AKAP19: variants seen among roughly 807,000 people sequenced by gnomAD.
AKAP19 encodes the protein A-kinase anchoring protein 19, also known as small A-kinase anchoring protein.
At chr2:190,124,875 T>C in the AKAP19 span, among the ~76,000 whole-genome samples, 1 of 152,194 alleles carries the variant, frequency 6.6e-6, no homozygotes, top group African/African-American at 2.4e-5. Context: ...TTTAAATTTT[T>C]TATTTTTTAC....
chr2:190,154,534 G>C, the AKAP19 span, among the ~76,000 whole-genome samples: 1 of 152,124 alleles, frequency 6.6e-6, no homozygotes, highest in South Asian at 2.1e-4. Flanking sequence ...TCGCTTTTGG[G>C]TGTGAGTTCT....
the AKAP19 span, among the ~76,000 whole-genome samples, chr2:190,143,923 A>G: frequency 6.8e-6 from 1 of 147,896 alleles, no homozygotes; most frequent in Non-Finnish European, 1.5e-5. Flanking sequence ...TCGCAAGAAC[A>G]AAAAACCAAA....
chr2:189,946,663 A>G, the AKAP19 span, among the ~76,000 whole-genome samples: 20 of 152,222 alleles, frequency 1.3e-4, no homozygotes, highest in Non-Finnish European at 2.2e-4. Flanking sequence ...CTCTTAGATT[A>G]CTAGATTTTT....
At chr2:189,911,625 C>G in the AKAP19 span, among the ~76,000 whole-genome samples, 4 of 151,898 alleles carry the variant, frequency 2.6e-5, no homozygotes, top group African/African-American at 7.3e-5. Context: ...TTATTGTATA[C>G]AATATGAATT....
the AKAP19 span, chr2:190,199,696 G>A: frequency 2.4e-4 from 344 of 1,441,198 alleles, 3 homozygotes; most frequent in African/African-American, 4.3e-3. Context: ...TCTCTTGACA[G>A]GTAAACACTA....
chr2:190,140,784 C>T, the AKAP19 span, among the ~76,000 whole-genome samples: 3 of 152,184 alleles, frequency 2.0e-5, no homozygotes, highest in African/African-American at 7.2e-5. Flanking sequence ...TGGGAATCAA[C>T]ATTTGGCTCC....
chr2:190,042,442 AT>A, the AKAP19 span, among the ~76,000 whole-genome samples: 1,145 of 141,688 alleles, frequency 8.1e-3, 15 homozygotes, highest in African/African-American at 0.027. Flanking sequence ...TATTTTATTA[AT>A]TTTTTTTTTC....
chr2:189,939,909 G>T, the AKAP19 span, among the ~76,000 whole-genome samples: 28 of 152,088 alleles, frequency 1.8e-4, no homozygotes, highest in African/African-American at 6.8e-4. Flanking sequence ...AATTTGGGAG[G>T]CCGAGGCAGG....
the AKAP19 span, among the ~76,000 whole-genome samples, chr2:189,891,511 C>T: frequency 6.6e-6 from 1 of 152,038 alleles, no homozygotes; most frequent in African/African-American, 2.4e-5. Flanking sequence ...ATGTGAGCCA[C>T]CAAACCCGGC....
the AKAP19 span, among the ~76,000 whole-genome samples, chr2:190,165,508 G>A: frequency 1.8e-4 from 27 of 152,082 alleles, no homozygotes; most frequent in Admixed American, 5.9e-4. Flanking sequence ...AAAAAATACC[G>A]TAACAAAAAT....
chr2:189,919,072 A>G, the AKAP19 span, among the ~76,000 whole-genome samples: 1 of 152,238 alleles, frequency 6.6e-6, no homozygotes, highest in East Asian at 1.9e-4. Context: ...AGTGTGATAA[A>G]ATCTCGAAAG....
At chr2:190,050,289 G>A in the AKAP19 span, among the ~76,000 whole-genome samples, 1 of 152,174 alleles carries the variant, frequency 6.6e-6, no homozygotes, top group African/African-American at 2.4e-5. Context: ...TGGCTGACAT[G>A]CAGCTATTTG....
At chr2:189,892,143 T>G in the AKAP19 span, among the ~76,000 whole-genome samples, 13 of 152,068 alleles carry the variant, frequency 8.5e-5, no homozygotes, top group African/African-American at 3.1e-4. Flanking sequence ...TAACCTTTTT[T>G]CATGGTTCTT....
At chr2:190,000,275 C>T in the AKAP19 span, among the ~76,000 whole-genome samples, 6 of 152,260 alleles carry the variant, frequency 3.9e-5, no homozygotes, top group African/African-American at 9.6e-5. Context: ...CAGTAAACCA[C>T]GTAGGGGTAA....
the AKAP19 span, among the ~76,000 whole-genome samples, chr2:190,140,056 C>T: frequency 6.6e-6 from 1 of 152,158 alleles, no homozygotes; most frequent in Non-Finnish European, 1.5e-5. Context: ...GGGCTACAGA[C>T]CCCATGCAAG....
the AKAP19 span, among the ~76,000 whole-genome samples, chr2:190,045,309 A>G: frequency 6.6e-6 from 1 of 152,102 alleles, no homozygotes; most frequent in African/African-American, 2.4e-5. Flanking sequence ...TCCAAAGCCC[A>G]AAGGCTGGAT....
chr2:190,194,640 T>C, the AKAP19 span, among the ~76,000 whole-genome samples: 1 of 152,270 alleles, frequency 6.6e-6, no homozygotes, highest in Non-Finnish European at 1.5e-5. Flanking sequence ...ATTATTAGTA[T>C]CATATAGAAT....
At chr2:189,981,460 A>G in the AKAP19 span, among the ~76,000 whole-genome samples, 1 of 152,084 alleles carries the variant, frequency 6.6e-6, no homozygotes, top group Non-Finnish European at 1.5e-5. Context: ...TAATCCAATT[A>G]AGTACTTGTG....
the AKAP19 span, among the ~76,000 whole-genome samples, chr2:189,958,856 A>T: frequency 6.6e-6 from 1 of 152,156 alleles, no homozygotes; most frequent in Non-Finnish European, 1.5e-5. Context: ...GTAAATGAAT[A>T]CTTAAAGCAT....
Sources: gnomAD v4.1 joint callset for allele counts (sites outside exome capture counted in the v4.1 genomes callset) on GRCh38, gnomAD v4.1.1 for gene constraint, MANE v1.5 for transcripts, NCBI Gene and HGNC (gene_info 2026-07-23, HGNC 2026-07-21) for gene names.